The following AFF1 variants were observed in gnomAD, a reference collection of about 807,000 sequenced individuals.
AFF1 encodes the protein AF4/FMR2 family member 1.
A neutral mutation model predicts 121.7 loss-of-function variants in AFF1; 48 were observed. That is an observed-to-expected ratio of 0.39 (90% confidence interval 0.31 to 0.50). AFF1 has a LOEUF of 0.50. AFF1 is among the 20% of genes least tolerant of loss of function. The pLI is 0.76. For synonymous variants in AFF1, 613 were observed against 563.0 expected, an observed-to-expected ratio of 1.09 and a Z score of -1.26; for missense variants, 1,523 against 1,511.7, an observed-to-expected ratio of 1.01 and a Z score of -0.12.
At chr4:86,970,467 T>A (rs368158399) in intron 2 of AFF1, among the ~76,000 whole-genome samples, 4 of 152,238 alleles carry the variant, frequency 2.6e-5, no homozygotes, top group East Asian at 3.8e-4. Flanking sequence ...CATATTTTTA[T>A]TTTTAGTTAA....
chr4:86,946,139 C>T (rs889356379), intron 1 of AFF1, among the ~76,000 whole-genome samples: 1 of 152,172 alleles, frequency 6.6e-6, no homozygotes, highest in African/African-American at 2.4e-5. Flanking sequence ...GTCCCGAGGA[C>T]CCTTTTCCAC....
chr4:87,095,038 T>G (rs547937674), intron 8 of AFF1, 69 bp downstream of exon 8: 2 of 1,430,100 alleles, frequency 1.4e-6, no homozygotes, highest in South Asian at 2.3e-5. Context: ...GTCAATGCAT[T>G]GCTTAGATTT....
At chr4:86,965,487 C>A (rs1477611526) in intron 2 of AFF1, among the ~76,000 whole-genome samples, 1 of 152,146 alleles carries the variant, frequency 6.6e-6, no homozygotes, top group Non-Finnish European at 1.5e-5. Context: ...AAGGGTATAG[C>A]CTGTAGAGGG....
chr4:86,964,071 G>A (rs1722353543), intron 2 of AFF1, among the ~76,000 whole-genome samples: 1 of 148,740 alleles, frequency 6.7e-6, no homozygotes, highest in Admixed American at 6.8e-5. Flanking sequence ...TCCTGCCTCG[G>A]CCTCCCAAAG....
chr4:87,127,222 A>T, intron 15 of AFF1, 105 bp downstream of exon 15: 2 of 993,400 alleles, frequency 2.0e-6, no homozygotes, highest in Non-Finnish European at 3.1e-6. Flanking sequence ...GTGTAGTGGC[A>T]TGATCTTGGC....
At chr4:87,040,146 C>T (rs1473545317) in intron 2 of AFF1, among the ~76,000 whole-genome samples, 3 of 152,148 alleles carry the variant, frequency 2.0e-5, no homozygotes, top group African/African-American at 7.2e-5. Flanking sequence ...CCTCCCACCT[C>T]GGCCTCCCAA....
In AFF1 at chr4:86,988,682, A is replaced by G. The variant is rs546214340; in HGVS notation, c.38+40111A>G. On this transcript the variant is annotated intron_variant, in intron 2 of 20. Coordinates refer to ENST00000395146, the MANE Select transcript of AFF1 (RefSeq NM_001166693.3). ...CCATCAGCTTTCTTCACAGAATTAG[A>G]AAAAACTACTTTAAATTTCATATGG... is the stretch of plus-strand genomic sequence containing the variant. 3.9e-5 allele frequency among the ~76,000 whole-genome samples: 6 copies of G among 152,336 alleles called. No homozygotes were observed. The South Asian group carries it at 1.2e-3, about 32-fold the overall frequency.
intron 1 of AFF1, chr4:86,936,292 C>G (rs1719987023): frequency 6.6e-6 from 1 of 152,222 alleles, no homozygotes. Flanking sequence ...ACGGGGAAAT[C>G]AGACTGATTT....
intron 5 of AFF1, among the ~76,000 whole-genome samples, chr4:87,084,808 C>T (rs1578217544): frequency 6.6e-6 from 1 of 152,262 alleles, no homozygotes; most frequent in East Asian, 1.9e-4. Context: ...TTAAGTTTTT[C>T]TGGTTGTCCA....
intron 5 of AFF1, among the ~76,000 whole-genome samples, chr4:87,087,167 G>C (rs545622310): frequency 6.6e-6 from 1 of 152,350 alleles, no homozygotes; most frequent in African/African-American, 2.4e-5. Context: ...TTTCCATGAT[G>C]CTAGTACAAT....
chr4:86,973,252 T>C (rs1026431299), intron 2 of AFF1, among the ~76,000 whole-genome samples: 10 of 152,030 alleles, frequency 6.6e-5, no homozygotes, highest in Non-Finnish European at 7.4e-5. Context: ...TGGATTAGCA[T>C]TGGCAGAGCT....
intron 2 of AFF1, among the ~76,000 whole-genome samples, chr4:86,992,100 T>C (rs2149506987): frequency 6.6e-6 from 1 of 152,322 alleles, no homozygotes; most frequent in South Asian, 2.1e-4. Context: ...TAGGATTCTA[T>C]GACTGCTTCC....
intron 2 of AFF1, among the ~76,000 whole-genome samples, chr4:86,964,307 T>C (rs567948362): frequency 6.7e-6 from 1 of 149,846 alleles, no homozygotes; most frequent in South Asian, 2.1e-4. Context: ...TTATTTTTAG[T>C]AGAGATGGGG....
At chr4:87,105,338 A>T (rs779742696) in intron 8 of AFF1, among the ~76,000 whole-genome samples, 4 of 152,206 alleles carry the variant, frequency 2.6e-5, no homozygotes, top group Non-Finnish European at 4.4e-5. Flanking sequence ...GTCTTGTGGT[A>T]GTTCTGCTTC....
intron 4 of AFF1, among the ~76,000 whole-genome samples, chr4:87,083,107 A>G (rs1327595450): frequency 2.0e-5 from 3 of 152,186 alleles, no homozygotes; most frequent in African/African-American, 7.2e-5. Context: ...CATATGTTCC[A>G]TGTCTCTAGT....
intron 2 of AFF1, chr4:87,007,390 G>T (rs371502430): frequency 1.2e-5 from 19 of 1,613,928 alleles, no homozygotes; most frequent in Non-Finnish European, 1.5e-5. Context: ...GAAGACCCCT[G>T]GCTCTATAAG....
intron 2 of AFF1, among the ~76,000 whole-genome samples, chr4:86,995,453 A>G (rs1193964713): frequency 6.6e-6 from 1 of 150,976 alleles, no homozygotes; most frequent in Non-Finnish European, 1.5e-5. Flanking sequence ...CTGCGATTGC[A>G]GGCGCGCGCC....
chr4:86,984,016 G>C (rs1183519134), intron 2 of AFF1, among the ~76,000 whole-genome samples: 1 of 152,000 alleles, frequency 6.6e-6, no homozygotes, highest in Non-Finnish European at 1.5e-5. Flanking sequence ...CAGCCTGGGT[G>C]ACAGAGCGAG....
In AFF1 at chr4:87,082,208, G is replaced by A. The variant is rs145932300; in HGVS notation, c.1060-1912G>A. On this transcript the variant is annotated intron_variant, in intron 4 of 20. Coordinates refer to ENST00000395146, the MANE Select transcript of AFF1 (RefSeq NM_001166693.3). ...GTGCTTGTTCTATTGATTCACCTTC[G>A]ACTTTTAATTGTTATTTTTCTAATG... 3.7e-3 allele frequency among the ~76,000 whole-genome samples: 565 copies of A among 152,158 alleles called. 5 individuals carry two copies. Among genetic ancestry groups the A allele is most frequent in the African/African-American group, 0.013 (540 of 41,512 alleles).
Sources: gnomAD v4.1 joint callset for allele counts (sites outside exome capture counted in the v4.1 genomes callset) on GRCh38, gnomAD v4.1.1 for gene constraint, MANE v1.5 for transcripts, NCBI Gene and HGNC (gene_info 2026-07-23, HGNC 2026-07-21) for gene names.